MYO10: variants seen among roughly 807,000 people sequenced by gnomAD.
The protein encoded by MYO10 is myosin X, also known as unconventional myosin-X.
In MYO10, 133 loss-of-function variants were observed where a neutral mutation model predicts 257.3. The ratio of observed to expected loss-of-function variants is 0.52; its 90% confidence interval spans 0.45 to 0.60. The LOEUF is 0.60. MYO10 is among the 20% of genes least tolerant of loss of function. The probability of loss-of-function intolerance (pLI) is 0.00; values close to 1 mark genes in which losing one functional copy is unlikely to be tolerated. For missense variants in MYO10, 2,399 were observed against 2,635.7 expected (o/e 0.91, Z 1.97); for synonymous variants, 1,104 against 1,028.6 (o/e 1.07, Z -1.40).
chr5:16,930,935 G>A (rs1161725264), intron 1 of MYO10, among the ~76,000 whole-genome samples: 8 of 152,182 alleles, frequency 5.3e-5, no homozygotes, highest in Non-Finnish European at 7.3e-5. Flanking sequence ...AAAATGTTAC[G>A]TAGCAGTTAC....
intron 2 of MYO10, among the ~76,000 whole-genome samples, chr5:16,835,810 TA>T (rs34486163): frequency 2.7e-4 from 39 of 146,838 alleles, no homozygotes; most frequent in East Asian, 4.0e-4. Context: ...CAAAAGTCTT[TA>T]AAAAAAAAAA....
chr5:16,833,230 T>C (rs1743210080), intron 2 of MYO10, among the ~76,000 whole-genome samples: 1 of 144,864 alleles, frequency 6.9e-6, no homozygotes. Flanking sequence ...TTTTTTTTTT[T>C]TGAGATTGAG....
chr5:16,933,028 G>C (rs151338213), intron 1 of MYO10, among the ~76,000 whole-genome samples: 2,064 of 152,210 alleles, frequency 0.014, 43 homozygotes, highest in African/African-American at 0.047. Flanking sequence ...CAAAGTGCTG[G>C]GATTACAGGC....
At chr5:16,768,688 T>TTG (rs1740954556) in intron 10 of MYO10, among the ~76,000 whole-genome samples, 1 of 143,960 alleles carries the variant, frequency 6.9e-6, no homozygotes, top group Non-Finnish European at 1.5e-5. Flanking sequence ...TTTTTTTTTT[T>TTG]TGGTGATACA....
intron 2 of MYO10, among the ~76,000 whole-genome samples, chr5:16,829,200 G>T (rs1454622468): frequency 6.6e-6 from 1 of 152,182 alleles, no homozygotes; most frequent in African/African-American, 2.4e-5. Context: ...GTTGAGCGTG[G>T]CTGCAGCAGG....
At chr5:16,762,474 T>C (rs980680017) in intron 15 of MYO10, 71 bp downstream of exon 15, 5 of 1,224,208 alleles carry the variant, frequency 4.1e-6, no homozygotes, top group Admixed American at 2.1e-5. Context: ...CGGACTGACA[T>C]GTCTGGTGTG....
rs70940395 is a variant in MYO10 at position 16,663,328 on chromosome 5, G to GTTTTTTTTTTTTTT, written c.*3350_*3363dup. The GTTTTTTTTTTTTTT allele has an allele frequency of 9.1e-5, 7 of 76,888 alleles. 2 individuals carry two copies. Among genetic ancestry groups the GTTTTTTTTTTTTTT allele is most frequent in the African/African-American group, 3.2e-4 (5 of 15,522 alleles). The allele number at this position is 76,888 out of a possible 1,614,324, so 4.8% of individuals were successfully genotyped here. The stretch of plus-strand genomic sequence containing the variant: ...AAAAAGTAACATTTTACTTCTAGTT[G>GTTTTTTTTTTTTTT]TTTTTTTTTTTTTTTTTTTTTTTTT... On this transcript the variant is annotated 3_prime_UTR_variant, in exon 41 of 41. Coordinates refer to ENST00000513610, the MANE Select transcript of MYO10 (RefSeq NM_012334.3).
intron 1 of MYO10, among the ~76,000 whole-genome samples, chr5:16,881,323 G>A (rs775762276): frequency 5.9e-5 from 9 of 152,070 alleles, no homozygotes; most frequent in Non-Finnish European, 8.8e-5. Context: ...TCACTCCAGC[G>A]TGCAGTTTCT....
chr5:16,895,439 C>G (rs976541915), intron 1 of MYO10, among the ~76,000 whole-genome samples: 5 of 152,152 alleles, frequency 3.3e-5, no homozygotes, highest in Non-Finnish European at 1.5e-5. Context: ...AAGGAAAGTT[C>G]CTCCTAGTTC....
chr5:16,694,517 C>G lies in MYO10; in HGVS notation c.3654G>C (p.Trp1218Cys). ...RSKQEALKQG[W>C]LHKKGGGSST... ...AGGAGCCCCCCCCTTTTTTGTGGAGCCAGCCTTGCTTGAGGGCCTCCTGCT... is the reference window on the plus strand; with the variant it reads ...AGGAGCCCCCCCCTTTTTTGTGGAGGCAGCCTTGCTTGAGGGCCTCCTGCT... Residue 1218 changes from tryptophan (W) to cysteine (C), a missense_variant, in exon 27 of 41, where the codon TGG becomes TGC. Around this residue, in one of 3 missense-constraint regions of MYO10, gnomAD observed 1,820 missense variants for 1,939.4 expected, o/e 0.94. Coordinates refer to ENST00000513610, the MANE Select transcript of MYO10 (RefSeq NM_012334.3). 6.2e-7 allele frequency: 1 copy of G among 1,613,978 alleles called. No homozygotes were observed. The highest frequency in any genetic ancestry group is 8.5e-7 in the Non-Finnish European group (1 of 1,179,880).
chr5:16,926,960 C>T (rs1746149376), intron 1 of MYO10, among the ~76,000 whole-genome samples: 1 of 152,212 alleles, frequency 6.6e-6, no homozygotes, highest in African/African-American at 2.4e-5. Flanking sequence ...ATTTTGCTGA[C>T]TTTCAGCAAT....
intron 19 of MYO10, among the ~76,000 whole-genome samples, chr5:16,739,989 C>T (rs576244195): frequency 8.2e-4 from 124 of 151,846 alleles, no homozygotes; most frequent in Admixed American, 1.5e-3. Context: ...AAGAACTTGC[C>T]GGAGAAAAAA....
At chr5:16,759,015 G>T (rs537521170) in intron 17 of MYO10, among the ~76,000 whole-genome samples, 2 of 151,874 alleles carry the variant, frequency 1.3e-5, no homozygotes, top group South Asian at 4.2e-4. Flanking sequence ...TCTGCCTCCC[G>T]GGTTCAAGCG....
intron 2 of MYO10, among the ~76,000 whole-genome samples, chr5:16,829,840 A>C (rs565130357): frequency 2.6e-5 from 4 of 152,190 alleles, no homozygotes; most frequent in Middle Eastern, 6.8e-3. Flanking sequence ...TAAGAGGAAA[A>C]AGTTAAATGC....
chr5:16,796,469 A>AAAGAAAGAAAG (rs879800508), intron 3 of MYO10, among the ~76,000 whole-genome samples: 61 of 120,932 alleles, frequency 5.0e-4, no homozygotes, highest in East Asian at 8.5e-4. Flanking sequence ...AGAAAGAAAG[A>AAAGAAAGAAAG]AAAGAAAAGA....
At position 16,773,661 on chromosome 5, in the gene MYO10, CAAAAAA is replaced by C. The variant is rs35170602; in HGVS notation, c.931-4464_931-4459del. Among the ~76,000 whole-genome samples, 6 of 113,078 alleles carry C rather than the reference CAAAAAA, an allele frequency of 5.3e-5. No homozygotes were observed. In the South Asian group the frequency reaches 1.8e-3, roughly 34 times the overall value. 74.2% of individuals were successfully genotyped at this position (113,078 alleles called of 152,430 possible). On this transcript the variant is annotated intron_variant, in intron 9 of 40. Coordinates refer to ENST00000513610, the MANE Select transcript of MYO10 (RefSeq NM_012334.3). ...TGGGCAACAGAGTGAGACCTTGTCT[CAAAAAA>C]AAAAAAAAAAAGTGAAATAAGTAGT...
chr5:16,684,415 T>C (rs1737148613), intron 29 of MYO10, among the ~76,000 whole-genome samples: 1 of 152,104 alleles, frequency 6.6e-6, no homozygotes, highest in African/African-American at 2.4e-5. Flanking sequence ...GATAATTTTG[T>C]GTTTTAGTAG....
intron 17 of MYO10, among the ~76,000 whole-genome samples, chr5:16,760,028 C>A (rs909604384): frequency 2.7e-5 from 4 of 147,700 alleles, no homozygotes; most frequent in Non-Finnish European, 6.0e-5. Flanking sequence ...AACTTTTTTG[C>A]TACTTTCCTT....
At chr5:16,915,257 A>C (rs1745782657) in intron 1 of MYO10, among the ~76,000 whole-genome samples, 1 of 152,224 alleles carries the variant, frequency 6.6e-6, no homozygotes, top group Non-Finnish European at 1.5e-5. Flanking sequence ...CTGGGTTCCA[A>C]GCCATAGGTA....
Sources: allele counts gnomAD v4.1 joint callset (sites outside exome capture counted in the v4.1 genomes callset), GRCh38; gene constraint gnomAD v4.1.1; regional missense constraint gnomAD v4.1.1; transcripts MANE v1.5; gene names NCBI Gene and HGNC (gene_info 2026-07-23, HGNC 2026-07-21).